SYN3: variants seen among roughly 807,000 people sequenced by gnomAD.
SYN3 encodes synapsin III.
A neutral mutation model predicts 65.8 loss-of-function variants in SYN3; 35 were observed. That is an observed-to-expected ratio of 0.53 (90% CI 0.41 to 0.70). The LOEUF is 0.70. Among genes scored for constraint, SYN3 ranks in the 30% least tolerant of loss-of-function variants. SYN3 has a pLI of 0.00. For missense variants in SYN3, 680 were observed against 749.0 expected (o/e 0.91, Z 1.08); for synonymous variants, 270 against 292.9 (o/e 0.92, Z 0.80).
At chr22:33,057,229 G>A (rs57574537) in intron 1 of SYN3, among the ~76,000 whole-genome samples, 8,592 of 152,250 alleles carry the variant, frequency 0.056, 477 homozygotes, top group East Asian at 0.27. Flanking sequence ...TCACTGATCA[G>A]AATTCTTCCA....
chr22:32,993,499 C>T (rs2052784871), intron 2 of SYN3, among the ~76,000 whole-genome samples: 1 of 152,180 alleles, frequency 6.6e-6, no homozygotes, highest in Admixed American at 6.5e-5. Flanking sequence ...CATGCCGCCA[C>T]CACGCCCTGC....
chr22:32,863,177 C>A (rs1474164622), intron 6 of SYN3: 2 of 152,516 alleles, frequency 1.3e-5, no homozygotes. Flanking sequence ...CCTGGCCCCA[C>A]CCTGCTCCAG....
intron 6 of SYN3, among the ~76,000 whole-genome samples, chr22:32,601,688 G>A (rs1198328781): frequency 6.6e-6 from 1 of 152,224 alleles, no homozygotes; most frequent in East Asian, 1.9e-4. Flanking sequence ...GTAATTTGGG[G>A]CCAGATTATT....
At chr22:32,650,468 G>A (rs1316068704) in intron 6 of SYN3, among the ~76,000 whole-genome samples, 2 of 151,930 alleles carry the variant, frequency 1.3e-5, no homozygotes, top group African/African-American at 4.8e-5. Flanking sequence ...GTTTCACCAT[G>A]TTGCCCCGGC....
intron 6 of SYN3, among the ~76,000 whole-genome samples, chr22:32,755,658 C>T (rs1349180438): frequency 2.0e-5 from 3 of 152,158 alleles, no homozygotes; most frequent in Non-Finnish European, 2.9e-5. Context: ...TTCCACTCTT[C>T]TGTCCTCCAA....
In SYN3 at chr22:32,663,455, C is replaced by T. The variant is rs1601868032; in HGVS notation, c.712-66719G>A. ...CTGGGAGTATAGGCACCCACCACCA[C>T]GCCCGGCTAATTTTTTGTATTTTTA... On this transcript the variant is annotated intron_variant, in intron 6 of 13. Coordinates refer to ENST00000358763, the MANE Select transcript of SYN3 (RefSeq NM_003490.4). Among the ~76,000 whole-genome samples the T allele has an allele frequency of 2.6e-5, 4 of 152,210 alleles. No individual in the cohort carries two copies. In the East Asian group the frequency reaches 5.8e-4, roughly 22 times the overall value.
At chr22:32,776,634 C>T (rs2045915077) in intron 6 of SYN3, among the ~76,000 whole-genome samples, 1 of 152,206 alleles carries the variant, frequency 6.6e-6, no homozygotes. Context: ...AATGGATGCT[C>T]TGTTTCCTGA....
At chr22:32,904,097 GGTGGGTAATAAAT>G (rs1251666228) in intron 4 of SYN3, among the ~76,000 whole-genome samples, 3 of 152,340 alleles carry the variant, frequency 2.0e-5, no homozygotes, top group African/African-American at 7.2e-5. Flanking sequence ...TTGCTTTAAA[GGTGGGTAATAAAT>G]GAGACTTGTT....
intron 6 of SYN3, among the ~76,000 whole-genome samples, chr22:32,769,493 C>T (rs941644233): frequency 2.0e-5 from 3 of 150,086 alleles, no homozygotes; most frequent in Non-Finnish European, 4.4e-5. Context: ...GCCGGTGGCT[C>T]CTTATCTCCC....
intron 2 of SYN3, among the ~76,000 whole-genome samples, 183 bp downstream of exon 2, chr22:33,006,169 A>C (rs2053189808): frequency 6.6e-6 from 1 of 152,198 alleles, no homozygotes; most frequent in Non-Finnish European, 1.5e-5. Context: ...TGTGGCACTA[A>C]GTAGGTGCTG....
Position 32,991,562 on chromosome 22 carries a change from C to T in SYN3, c.312-10860G>A, listed in dbSNP as rs148635857. On this transcript the variant is annotated intron_variant, in intron 2 of 13. Transcript: ENST00000358763. ...GTGCTCCCTGTCATCTCTCTGCAGC[C>T]GAAGCCAAGTGGCAGATATCATCTG... Among the ~76,000 whole-genome samples, 135 of 152,120 alleles carry T rather than the reference C, an allele frequency of 8.9e-4. 2 individuals carry two copies. Among genetic ancestry groups the T allele is most frequent in the African/African-American group, 3.1e-3 (130 of 41,486 alleles).
At chr22:32,536,394 C>G (rs553125780) in intron 9 of SYN3, among the ~76,000 whole-genome samples, 1 of 152,118 alleles carries the variant, frequency 6.6e-6, no homozygotes, top group East Asian at 2.0e-4. Context: ...GCAGCCCTCT[C>G]TCATTCAGTC....
intron 3 of SYN3, among the ~76,000 whole-genome samples, chr22:32,966,464 C>A (rs2051849225): frequency 2.0e-5 from 3 of 152,080 alleles, no homozygotes; most frequent in African/African-American, 7.2e-5. Flanking sequence ...CAGGCAGGGG[C>A]AAGCTCATGG....
intron 9 of SYN3, among the ~76,000 whole-genome samples, chr22:32,534,206 T>C (rs1030549012): frequency 2.0e-5 from 3 of 151,118 alleles, no homozygotes; most frequent in East Asian, 3.9e-4. Flanking sequence ...GGAACCAGAG[T>C]TGGGAGAGGT....
intron 6 of SYN3, among the ~76,000 whole-genome samples, chr22:32,655,581 A>G (rs1434574043): frequency 6.6e-6 from 1 of 152,120 alleles, no homozygotes; most frequent in East Asian, 1.9e-4. Context: ...GCGGCATTAG[A>G]TTCTCATAGG....
At chr22:32,598,148 T>C (rs554803949) in intron 6 of SYN3, among the ~76,000 whole-genome samples, 4 of 152,282 alleles carry the variant, frequency 2.6e-5, no homozygotes, top group South Asian at 4.1e-4. Flanking sequence ...TGGACAGCAC[T>C]GTCTGTCCTC....
chr22:32,579,611 A>G (rs934382219), intron 7 of SYN3, among the ~76,000 whole-genome samples: 8 of 152,186 alleles, frequency 5.3e-5, no homozygotes, highest in Non-Finnish European at 7.3e-5. Context: ...CATTCAGACC[A>G]TGGCAAGCCA....
rs73162047 is a variant in SYN3, at chr22:33,000,919, C to T, written c.311+5433G>A. Among the ~76,000 whole-genome samples, 888 of 152,240 alleles carry T rather than the reference C, an allele frequency of 5.8e-3. 7 individuals are homozygous for T. Among genetic ancestry groups the T allele is most frequent in the South Asian group, 0.028 (136 of 4,814 alleles). On this transcript the variant is annotated intron_variant, in intron 2 of 13. Coordinates refer to ENST00000358763, the MANE Select transcript of SYN3 (RefSeq NM_003490.4). ...TGGTGGCAGGGGACAGGCATTTTTC[C>T]GGGATTCTTCAGGACAGGACCGAGA...
intron 6 of SYN3, among the ~76,000 whole-genome samples, chr22:32,741,460 A>G (rs1455115282): frequency 6.9e-6 from 1 of 144,952 alleles, no homozygotes; most frequent in Non-Finnish European, 1.5e-5. Flanking sequence ...GGTTCACACC[A>G]TTCTCCTGCC....
Sources: gnomAD v4.1 joint callset for allele counts (sites outside exome capture counted in the v4.1 genomes callset) on GRCh38, gnomAD v4.1.1 for gene constraint, MANE v1.5 for transcripts, NCBI Gene and HGNC (gene_info 2026-07-23, HGNC 2026-07-21) for gene names.